The following DDX59 variants were observed in gnomAD, a reference collection of about 807,000 sequenced individuals.
DDX59 encodes DEAD-box helicase 59, also known as probable ATP-dependent RNA helicase DDX59.
DDX59 carries 30 observed loss-of-function variants against 51.9 expected under a neutral mutation model. That is an observed-to-expected ratio of 0.58 (90% CI 0.43 to 0.78). The LOEUF (loss-of-function observed/expected upper bound fraction) is 0.78, where lower values mean the gene tolerates loss of function less well. Among genes scored for constraint, DDX59 ranks in the 30% least tolerant of loss-of-function variants. The pLI is 0.00. For synonymous variants in DDX59, 255 were observed against 253.3 expected (o/e 1.01, Z -0.06); for missense variants, 672 against 730.8 (o/e 0.92, Z 0.93).
chr1:200,655,116 A>G (rs1375907901), intron 4 of DDX59: 1 of 152,220 alleles, frequency 6.6e-6, no homozygotes, highest in African/African-American at 2.4e-5. Context: ...GATCTTCAGA[A>G]TACTACCCCT....
At chr1:200,651,278 G>T (rs1661643672) in intron 4 of DDX59, among the ~76,000 whole-genome samples, 1 of 152,090 alleles carries the variant, frequency 6.6e-6, no homozygotes. Flanking sequence ...GTTAGGGGCT[G>T]CTATGGTCTG....
chr1:200,649,321 A>G lies in DDX59; in HGVS notation c.1315-95T>C, dbSNP rs1371372201. ...AGATTATCACAAGCTAGTTATCAAT[A>G]GATTTATAAATATTGTTAAGAAGGA... On this transcript the variant is annotated intron_variant, in intron 5 of 7. Transcript: ENST00000331314. The G allele has an allele frequency of 2.5e-6, 3 of 1,215,936 alleles. No homozygotes were observed. The Admixed American group carries it at 8.6e-5, about 35-fold the overall frequency. The allele number at this position is 1,215,936 out of a possible 1,614,324, so 75.3% of individuals were successfully genotyped here.
chr1:200,646,542 CAAG>C (rs1661306667), intron 7 of DDX59, among the ~76,000 whole-genome samples: 1 of 151,904 alleles, frequency 6.6e-6, no homozygotes, highest in South Asian at 2.1e-4. Context: ...TAAAGAAATG[CAAG>C]TCAAAATATA....
At chr1:200,669,646 C>T (rs1449957613) in intron 1 of DDX59, 121 bp downstream of exon 1, 2 of 152,298 alleles carry the variant, frequency 1.3e-5, no homozygotes, top group Admixed American at 6.5e-5. Context: ...ACACGGGGAA[C>T]TGTAAGGATG....
chr1:200,668,879 T>C (rs1335860172), intron 1 of DDX59, among the ~76,000 whole-genome samples: 1 of 152,210 alleles, frequency 6.6e-6, no homozygotes, highest in Non-Finnish European at 1.5e-5. Context: ...GGTCTTTAGA[T>C]AACCTCAACC....
chr1:200,652,071 T>C (rs1571621542), intron 4 of DDX59, among the ~76,000 whole-genome samples: 5 of 151,398 alleles, frequency 3.3e-5, no homozygotes, highest in Admixed American at 3.3e-4. Flanking sequence ...CAGGTGTCTA[T>C]AATTTGGGAA....
downstream of DDX59, chr1:200,644,011 A>C (rs1661134128): frequency 2.4e-6 from 1 of 418,264 alleles, no homozygotes. Context: ...AGGACTGTTT[A>C]TTTTAAAAAG....
chr1:200,655,032 T>A (rs1001763087), intron 4 of DDX59: 3 of 152,156 alleles, frequency 2.0e-5, no homozygotes, highest in Admixed American at 2.0e-4. Context: ...CGATGCCTAT[T>A]TTATTTTTTA....
At chr1:200,660,407 G>A (rs1662301541) in intron 3 of DDX59, among the ~76,000 whole-genome samples, 1 of 152,112 alleles carries the variant, frequency 6.6e-6, no homozygotes, top group South Asian at 2.1e-4. Context: ...TGGTGAGAGG[G>A]GTGGGAGTGA....
chr1:200,664,610 T>C (rs1033552434), intron 2 of DDX59, among the ~76,000 whole-genome samples: 1 of 152,274 alleles, frequency 6.6e-6, no homozygotes, highest in East Asian at 1.9e-4. Flanking sequence ...ACTTTTTTTT[T>C]CTCACACTAT....
At chr1:200,660,883 C>T (rs1481109153) in intron 3 of DDX59, among the ~76,000 whole-genome samples, 1 of 152,164 alleles carries the variant, frequency 6.6e-6, no homozygotes, top group Non-Finnish European at 1.5e-5. Flanking sequence ...TTGGTACATA[C>T]GCAGGGGATC....
chr1:200,649,378 C>T (rs1210141662), intron 5 of DDX59, 152 bp from the exon 6 acceptor site: 22 of 724,676 alleles, frequency 3.0e-5, no homozygotes, highest in Non-Finnish European at 3.8e-5. Flanking sequence ...CCTGTAATCT[C>T]AGCACTTTGG....
chr1:200,651,665 TG>T (rs1661668060), intron 4 of DDX59, among the ~76,000 whole-genome samples: 1 of 152,248 alleles, frequency 6.6e-6, no homozygotes, highest in African/African-American at 2.4e-5. Flanking sequence ...TCTATACTGT[TG>T]GTTTGTTACA....
chr1:200,658,653 G>A (rs773869049), intron 4 of DDX59, among the ~76,000 whole-genome samples: 17 of 152,052 alleles, frequency 1.1e-4, no homozygotes, highest in Non-Finnish European at 1.9e-4. Flanking sequence ...CTGTGTTTCC[G>A]TCACTGCACT....
In DDX59 at chr1:200,665,890, AC is replaced by A. The variant is rs779581903; in HGVS notation, c.804+46del. 2.0e-6 allele frequency: 3 copies of A among 1,511,126 alleles called. No individual in the cohort carries two copies. The African/African-American group carries it at 4.2e-5, about 21-fold the overall frequency. The allele number at this position is 1,511,126 out of a possible 1,614,324, so 93.6% of individuals were successfully genotyped here. A position where few individuals can be genotyped will look rare whatever the true frequency, so the allele number is the denominator to read the frequency against. On this transcript the variant is annotated intron_variant, in intron 2 of 7. Transcript: ENST00000331314. ...AAAAATGAAACTTGGTAAATACCTC[AC>A]TTGTTTCCAAGAATAATACATGTGA...
chr1:200,669,449 C>CGGCGGACGGCT (rs1663010479), intron 1 of DDX59: 1 of 152,682 alleles, frequency 6.5e-6, no homozygotes, highest in South Asian at 2.1e-4. Flanking sequence ...CTGGGCGGGA[C>CGGCGGACGGCT]GGCGGACGGC....
At chr1:200,647,560 T>G (rs1257772098) in intron 7 of DDX59, among the ~76,000 whole-genome samples, 1 of 151,754 alleles carries the variant, frequency 6.6e-6, no homozygotes, top group Non-Finnish European at 1.5e-5. Context: ...ATTAACATTT[T>G]TGGTTACTTC....
intron 1 of DDX59, among the ~76,000 whole-genome samples, chr1:200,667,620 T>C (rs1323581558): frequency 6.6e-6 from 1 of 152,168 alleles, no homozygotes; most frequent in African/African-American, 2.4e-5. Context: ...AATTCTGGGG[T>C]AAATCCTTCT....
At chr1:200,664,542 C>A (rs146669728) in intron 2 of DDX59, among the ~76,000 whole-genome samples, 145 of 152,292 alleles carry the variant, frequency 9.5e-4, no homozygotes, top group African/African-American at 3.2e-3. Context: ...CTATTTCGGG[C>A]TTTATGGCTC....
Sources: allele counts gnomAD v4.1 joint callset (sites outside exome capture counted in the v4.1 genomes callset), GRCh38; gene constraint gnomAD v4.1.1; transcripts MANE v1.5; gene names NCBI Gene and HGNC (gene_info 2026-07-23, HGNC 2026-07-21).